The following ZFP64 variants were observed in gnomAD, a reference collection of about 807,000 sequenced individuals.
The protein encoded by ZFP64 is ZFP64 zinc finger protein.
A neutral mutation model predicts 51.6 loss-of-function variants in ZFP64; 14 were observed. The ratio of observed to expected loss-of-function variants is 0.27; its 90% CI spans 0.18 to 0.42. The LOEUF is 0.42. Among genes scored for constraint, ZFP64 ranks in the 10% least tolerant of loss-of-function variants. ZFP64 has a pLI of 1.00. For synonymous variants in ZFP64, 375 were observed against 361.4 expected, an observed-to-expected ratio of 1.04 and a Z score of -0.43; for missense variants, 754 against 906.8, an observed-to-expected ratio of 0.83 and a Z score of 2.16.
intron 7 of ZFP64, among the ~76,000 whole-genome samples, chr20:52,089,953 T>G (rs2078905222): frequency 6.6e-6 from 1 of 152,118 alleles, no homozygotes; most frequent in Non-Finnish European, 1.5e-5. Context: ...CTAAAACTGC[T>G]CTTATAAAAA....
exon 7 of ZFP64, chr20:52,097,405 T>C: frequency 1.2e-6 from 2 of 1,612,954 alleles, no homozygotes; most frequent in Non-Finnish European, 1.7e-6. Flanking sequence ...GTCCAAGTCT[T>C]TCATGCCATG....
intron 5 of ZFP64, among the ~76,000 whole-genome samples, chr20:52,106,397 G>T (rs935815337): frequency 6.6e-6 from 1 of 152,118 alleles, no homozygotes; most frequent in Non-Finnish European, 1.5e-5. Context: ...TCACGTGGGG[G>T]CCCTTGTTTC....
At chr20:52,097,228 C>T (rs2078998131) in intron 7 of ZFP64, 2 of 959,528 alleles carry the variant, frequency 2.1e-6, no homozygotes, top group African/African-American at 1.6e-5. Context: ...CCCTTTTGCT[C>T]CTTCTCCCAA....
intron 5 of ZFP64, among the ~76,000 whole-genome samples, chr20:52,137,124 A>C (rs1980020084): frequency 6.6e-6 from 1 of 152,230 alleles, no homozygotes; most frequent in East Asian, 1.9e-4. Context: ...ATCATAGAAA[A>C]TAAAAGATGT....
intron 5 of ZFP64, among the ~76,000 whole-genome samples, chr20:52,135,284 C>T (rs551783605): frequency 4.5e-4 from 68 of 152,302 alleles, no homozygotes; most frequent in African/African-American, 1.4e-3. Context: ...AGCACAGCCA[C>T]GCCCACTGCC....
chr20:52,089,552 G>A (rs886707308), intron 7 of ZFP64, among the ~76,000 whole-genome samples: 1 of 151,818 alleles, frequency 6.6e-6, no homozygotes, highest in Non-Finnish European at 1.5e-5. Flanking sequence ...ACCAGACTGG[G>A]CAACATGGCA....
intron 5 of ZFP64, among the ~76,000 whole-genome samples, chr20:52,139,058 AAAAGG>A (rs1380152891): frequency 1.6e-4 from 25 of 152,218 alleles, no homozygotes; most frequent in Non-Finnish European, 2.9e-4. Context: ...GGTCGAGGAG[AAAAGG>A]AAACATTTGT....
chr20:52,127,097 G>A (rs369583214), intron 5 of ZFP64, among the ~76,000 whole-genome samples: 73 of 151,804 alleles, frequency 4.8e-4, no homozygotes, highest in Non-Finnish European at 1.6e-4. Context: ...GACTACAGGC[G>A]TGCGCCACCA....
chr20:52,088,981 G>A (rs1456370902), intron 7 of ZFP64: 4 of 536,824 alleles, frequency 7.5e-6, no homozygotes, highest in Non-Finnish European at 1.1e-5. Flanking sequence ...GAACCACATG[G>A]AGAATGGTCA....
Position 52,153,054 on chromosome 20 carries a change from T to C in ZFP64, c.1138A>G (p.Thr380Ala). ...TTGCTCAGGTTGCTGGGCTGTTTGG[T>C]GTCGAAGCTGCAGTAGTTGCACTTG... is the stretch of plus-strand genomic sequence containing the variant. ...PFKCNYCSFDTKQPSNLSKHM... is the reference protein window; with the variant it reads ...PFKCNYCSFDAKQPSNLSKHM... The change falls in exon 6 of 6, where the codon ACC (threonine) becomes GCC (alanine). Residue 380 changes from threonine to alanine, a missense_variant. Transcript: ENST00000216923. The surrounding 1 kb of genome is among the most constrained non-coding windows in gnomAD (Gnocchi z 5.1). 6.2e-7 allele frequency: 1 copy of C among 1,614,158 alleles called. No homozygotes were observed. Among genetic ancestry groups the C allele is most frequent in the Non-Finnish European group, 8.5e-7 (1 of 1,180,042 alleles).
At chr20:52,158,043 C>T (rs1981467190) in intron 5 of ZFP64, among the ~76,000 whole-genome samples, 1 of 152,156 alleles carries the variant, frequency 6.6e-6, no homozygotes, top group South Asian at 2.1e-4. Context: ...TGTATATGTG[C>T]CACATTTTCT....
At chr20:52,099,474 C>T (rs1035340488) in intron 5 of ZFP64, among the ~76,000 whole-genome samples, 1 of 152,124 alleles carries the variant, frequency 6.6e-6, no homozygotes, top group African/African-American at 2.4e-5. Flanking sequence ...GGAGAAAAAG[C>T]AAAGACTGAG....
At chr20:52,093,648 G>A (rs981881777) in intron 7 of ZFP64, among the ~76,000 whole-genome samples, 42 of 152,238 alleles carry the variant, frequency 2.8e-4, no homozygotes, top group African/African-American at 9.6e-4. Flanking sequence ...TACACTCATT[G>A]TAGTTCTCCA....
At chr20:52,138,466 A>G (rs1466563852) in intron 5 of ZFP64, among the ~76,000 whole-genome samples, 1 of 152,074 alleles carries the variant, frequency 6.6e-6, no homozygotes, top group East Asian at 1.9e-4. Flanking sequence ...GCAGATATGA[A>G]CCAGGCAAAT....
chr20:52,103,251 G>A (rs1236899696), intron 5 of ZFP64, among the ~76,000 whole-genome samples: 2 of 152,286 alleles, frequency 1.3e-5, no homozygotes, highest in Admixed American at 6.5e-5. Flanking sequence ...CATTTTACTG[G>A]TGGTGACAGG....
At chr20:52,116,786 G>A (rs542500895) in intron 5 of ZFP64, among the ~76,000 whole-genome samples, 7 of 151,840 alleles carry the variant, frequency 4.6e-5, no homozygotes, top group Non-Finnish European at 8.8e-5. Flanking sequence ...ATTTTAACAC[G>A]AGGCTGGGCG....
intron 5 of ZFP64, among the ~76,000 whole-genome samples, chr20:52,121,188 A>G (rs1004327970): frequency 6.6e-6 from 1 of 152,182 alleles, no homozygotes; most frequent in Admixed American, 6.5e-5. Context: ...ACAGTGACCT[A>G]TAAGTGTTCA....
At chr20:52,135,868 G>A (rs1213725288) in intron 5 of ZFP64, among the ~76,000 whole-genome samples, 2 of 151,796 alleles carry the variant, frequency 1.3e-5, no homozygotes, top group East Asian at 3.9e-4. Context: ...GGAGGCCGAG[G>A]TGGGTGGATC....
chr20:52,098,682 C>T, intron 5 of ZFP64: 3 of 1,510,032 alleles, frequency 2.0e-6, no homozygotes, highest in South Asian at 1.2e-5. Flanking sequence ...CACCTCCCTT[C>T]ACCTTTCCAG....
Sources: gnomAD v4.1 joint callset for allele counts (sites outside exome capture counted in the v4.1 genomes callset) on GRCh38, gnomAD v4.1.1 for gene constraint, Gnocchi (gnomAD v3.1) non-coding constraint, MANE v1.5 for transcripts, NCBI Gene and HGNC (gene_info 2026-07-23, HGNC 2026-07-21) for gene names.